TMOD2: variants seen among roughly 807,000 people sequenced by gnomAD.
TMOD2 encodes the protein tropomodulin 2.
TMOD2 carries 22 observed loss-of-function variants against 39.9 expected under a neutral mutation model. That is an observed-to-expected ratio of 0.55 (90% CI 0.39 to 0.79). TMOD2 has a LOEUF of 0.79. TMOD2 is among the 30% of genes least tolerant of loss of function. The pLI is 0.00. For missense variants in TMOD2, 386 were observed against 413.3 expected, an observed-to-expected ratio of 0.93 and a Z score of 0.57; for synonymous variants, 123 against 146.1, an observed-to-expected ratio of 0.84 and a Z score of 1.14.
intron 1 of TMOD2, among the ~76,000 whole-genome samples, chr15:51,757,156 C>T (rs1299949493): frequency 6.6e-6 from 1 of 152,162 alleles, no homozygotes; most frequent in Non-Finnish European, 1.5e-5. Context: ...AATCCCAGCA[C>T]TTTGGGATGC....
At chr15:51,772,020 A>G (rs1046351805) in intron 3 of TMOD2, among the ~76,000 whole-genome samples, 3 of 152,206 alleles carry the variant, frequency 2.0e-5, no homozygotes, top group Admixed American at 1.3e-4. Flanking sequence ...GCTCTGACAC[A>G]CTCCTGTTTG....
intron 1 of TMOD2, among the ~76,000 whole-genome samples, chr15:51,753,712 T>C (rs1334274044): frequency 6.7e-6 from 1 of 150,302 alleles, no homozygotes; most frequent in Non-Finnish European, 1.5e-5. Flanking sequence ...GAGATGTGGA[T>C]ATTGGAGGTG....
chr15:51,758,330 G>A (rs1241409057), intron 1 of TMOD2, among the ~76,000 whole-genome samples: 1 of 152,124 alleles, frequency 6.6e-6, no homozygotes, highest in African/African-American at 2.4e-5. Flanking sequence ...AGTGTAGCTG[G>A]AGAGAGAACC....
At chr15:51,783,884 T>A (rs1328892082) in intron 7 of TMOD2, 2 of 152,242 alleles carry the variant, frequency 1.3e-5, no homozygotes, top group Non-Finnish European at 2.9e-5. Flanking sequence ...AGGTAAATAC[T>A]TATACCATCA....
intron 4 of TMOD2, among the ~76,000 whole-genome samples, chr15:51,775,647 G>T (rs1034152784): frequency 5.4e-5 from 7 of 128,972 alleles, no homozygotes; most frequent in Non-Finnish European, 1.1e-4. Flanking sequence ...GCACAATCTC[G>T]GCTCACTGCA....
chr15:51,779,231 C>T (rs1489876195), intron 5 of TMOD2, among the ~76,000 whole-genome samples: 2 of 152,190 alleles, frequency 1.3e-5, no homozygotes, highest in Non-Finnish European at 2.9e-5. Flanking sequence ...GCTTCAGCAT[C>T]AAAGGGTAAC....
At chr15:51,774,113 G>T (rs2055871823) in intron 4 of TMOD2, among the ~76,000 whole-genome samples, 1 of 152,144 alleles carries the variant, frequency 6.6e-6, no homozygotes, top group African/African-American at 2.4e-5. Flanking sequence ...AGAATTTAGA[G>T]AATAAAACAA....
rs4775981 is a variant in TMOD2, at chr15:51,795,569, G to T, written c.733-2628G>T. Among the ~76,000 whole-genome samples, 176 of 42,416 alleles carry T rather than the reference G, an allele frequency of 4.1e-3. 11 individuals are homozygous for T. The highest frequency in any genetic ancestry group is 0.011 in the African/African-American group (109 of 10,338). The allele number at this position is 42,416 out of a possible 152,430, so 27.8% of individuals were successfully genotyped here. ...TTTGATAACTTCTTCTCTTCTGCTT[G>T]CTTGCTTGCTTTCTTTCTTTCTTTC... is the stretch of plus-strand genomic sequence containing the variant. On this transcript the variant is annotated intron_variant, in intron 7 of 9. Coordinates refer to ENST00000249700, the MANE Select transcript of TMOD2 (RefSeq NM_014548.4).
At chr15:51,778,667 T>TCC (rs2055907785) in intron 5 of TMOD2, among the ~76,000 whole-genome samples, 1 of 136,664 alleles carries the variant, frequency 7.3e-6, no homozygotes, top group Admixed American at 7.5e-5. Context: ...TTTTTTTTTT[T>TCC]TTCTTGAGAC....
intron 1 of TMOD2, among the ~76,000 whole-genome samples, chr15:51,759,933 G>C (rs2055769102): frequency 6.6e-6 from 1 of 152,218 alleles, no homozygotes; most frequent in Non-Finnish European, 1.5e-5. Flanking sequence ...CCTCTTGGGA[G>C]ATGTGACCTT....
At chr15:51,796,461 C>T (rs559381626) in intron 7 of TMOD2, among the ~76,000 whole-genome samples, 10 of 152,008 alleles carry the variant, frequency 6.6e-5, no homozygotes, top group African/African-American at 2.2e-4. Context: ...CCCCTGCAAT[C>T]GCTACAGTTA....
chr15:51,775,789 G>A (rs2141623034), intron 4 of TMOD2, among the ~76,000 whole-genome samples: 1 of 151,928 alleles, frequency 6.6e-6, no homozygotes, highest in East Asian at 1.9e-4. Flanking sequence ...TGTTGGCCAG[G>A]ATGGTCTCGA....
chr15:51,764,593 A>G (rs2055804115), intron 1 of TMOD2, among the ~76,000 whole-genome samples: 1 of 152,140 alleles, frequency 6.6e-6, no homozygotes, highest in Non-Finnish European at 1.5e-5. Context: ...GCCATTCCCA[A>G]CAGAATAAAG....
intron 6 of TMOD2, among the ~76,000 whole-genome samples, chr15:51,782,010 A>G (rs1412390879): frequency 6.6e-6 from 1 of 152,216 alleles, no homozygotes; most frequent in East Asian, 1.9e-4. Context: ...TGTTAACGTC[A>G]TAGAGTTAGT....
intron 1 of TMOD2, chr15:51,752,564 C>T (rs1257386746): frequency 6.6e-6 from 1 of 152,206 alleles, no homozygotes; most frequent in African/African-American, 2.4e-5. Flanking sequence ...CCAGGTTCTC[C>T]TCTTAGCTTG....
intron 6 of TMOD2, among the ~76,000 whole-genome samples, chr15:51,782,206 G>T (rs763757291): frequency 2.0e-5 from 3 of 152,200 alleles, no homozygotes; most frequent in Non-Finnish European, 4.4e-5. Context: ...ATAACATGAT[G>T]TGGTGAGCCA....
chr15:51,756,836 A>G (rs1395173743), intron 1 of TMOD2, among the ~76,000 whole-genome samples: 2 of 152,186 alleles, frequency 1.3e-5, no homozygotes, highest in Admixed American at 6.5e-5. Flanking sequence ...TATTTCCCAG[A>G]ATATATAGAA....
At chr15:51,766,669 C>T in intron 2 of TMOD2, 102 bp downstream of exon 2, 1 of 1,310,090 alleles carries the variant, frequency 7.6e-7, no homozygotes, top group Non-Finnish European at 1.1e-6. Flanking sequence ...TCGGAATGCA[C>T]ATTTTCTTTT....
At chr15:51,792,356 G>A (rs546345815) in intron 7 of TMOD2, among the ~76,000 whole-genome samples, 2 of 152,238 alleles carry the variant, frequency 1.3e-5, no homozygotes, top group Non-Finnish European at 2.9e-5. Flanking sequence ...TAAAAAGTCA[G>A]GAAACAACAG....
Sources: allele counts gnomAD v4.1 joint callset (sites outside exome capture counted in the v4.1 genomes callset), GRCh38; gene constraint gnomAD v4.1.1; transcripts MANE v1.5; gene names NCBI Gene and HGNC (gene_info 2026-07-23, HGNC 2026-07-21).